Variants in SCAF11 observed in about 807,000 individuals in gnomAD.
SCAF11 encodes protein SCAF11.
SCAF11 carries 47 observed loss-of-function variants against 140.5 expected under a neutral mutation model. The observed-to-expected ratio is 0.33, with a 90% CI of 0.26 to 0.43. SCAF11 has a LOEUF of 0.43. Ranked by LOEUF, SCAF11 falls within the 20% of genes least tolerant of loss-of-function variation. The pLI is 1.00. For missense variants in SCAF11, 1,645 were observed against 1,705.1 expected (o/e 0.96, Z 0.62); for synonymous variants, 557 against 579.4 (o/e 0.96, Z 0.55).
chr12:45,984,464 T>C (rs1386236979), intron 1 of SCAF11, among the ~76,000 whole-genome samples: 1 of 152,214 alleles, frequency 6.6e-6, no homozygotes, highest in African/African-American at 2.4e-5. Flanking sequence ...ACTGATGATG[T>C]GCACTTTGAT....
chr12:45,972,158 G>A (rs564544553), intron 1 of SCAF11, among the ~76,000 whole-genome samples: 55 of 152,188 alleles, frequency 3.6e-4, no homozygotes, highest in South Asian at 6.2e-4. Flanking sequence ...ACTGGGTAGC[G>A]CATATTGAAA....
intron 3 of SCAF11, among the ~76,000 whole-genome samples, chr12:45,953,440 A>C (rs1394794827): frequency 1.3e-5 from 2 of 152,150 alleles, no homozygotes; most frequent in Non-Finnish European, 2.9e-5. Context: ...ACACTTTGAG[A>C]GGCCAAGGCA....
chr12:45,965,506 G>A (rs1007980059), intron 1 of SCAF11, among the ~76,000 whole-genome samples: 1 of 152,014 alleles, frequency 6.6e-6, no homozygotes, highest in Non-Finnish European at 1.5e-5. Flanking sequence ...AAGAGATGGG[G>A]TCTTGCTGTG....
In SCAF11 at chr12:45,927,724, A is replaced by T; in HGVS notation, c.1977T>A (p.Asn659Lys). 1 of 1,612,092 alleles carries T rather than the reference A, an allele frequency of 6.2e-7. No individual in the cohort carries two copies. Residue 659 changes from asparagine to lysine, a missense_variant, in exon 11 of 15, where the codon AAT (asparagine) becomes AAA (lysine). Asn to Lys is a moderately conservative substitution (Grantham distance 94). Transcript: ENST00000369367. ...CDTFGNEDFN[N>K]IQDSENNLLK... The stretch of plus-strand genomic sequence containing the variant: ...GTAAGTTATTTTCAGAGTCTTGAAT[A>T]TTATTGAAATCTTCATTCCCAAAAG...
upstream of SCAF11, among the ~76,000 whole-genome samples, chr12:45,991,401 C>CA (rs2136686682): frequency 6.6e-6 from 1 of 152,038 alleles, no homozygotes; most frequent in East Asian, 1.9e-4. Flanking sequence ...CTCGTTTCTA[C>CA]AAAAAATAAA....
chr12:45,945,061 G>GA, intron 6 of SCAF11, 188 bp downstream of exon 6: 4 of 554,120 alleles, frequency 7.2e-6, no homozygotes, highest in South Asian at 2.4e-5. Flanking sequence ...GAGCAAGAAG[G>GA]AAAAAAGGGG....
intron 6 of SCAF11, among the ~76,000 whole-genome samples, chr12:45,938,810 G>A (rs928408215): frequency 6.7e-6 from 1 of 148,830 alleles, no homozygotes; most frequent in African/African-American, 2.5e-5. Context: ...GTTTAATAAA[G>A]ACATAATTAG....
chr12:45,928,319 G>A lies in SCAF11; in HGVS notation c.1382C>T (p.Thr461Ile), dbSNP rs1944949284. The A allele has an allele frequency of 6.2e-7, 1 of 1,613,834 alleles. No individual in the cohort carries two copies. The highest frequency in any genetic ancestry group is 1.7e-5 in the Admixed American group (1 of 59,982). ...NEQIEESEKH[T>I]ANYDTEERVG... ...TCTTTCCTCTGTATCATAATTTGCA[G>A]TATGCTTCTCACTTTCTTCTATTTG... Residue 461 changes from threonine to isoleucine, a missense_variant, in exon 11 of 15, where the codon ACT becomes ATT. Physicochemically the swap from Thr to Ile is moderately conservative, Grantham distance 89. This residue lies in a region of SCAF11 where 1,582 missense variants were observed against 1,609.2 expected (regional missense o/e 0.98). Transcript: ENST00000369367.
In SCAF11 at chr12:45,927,840, T is replaced by C; in HGVS notation, c.1861A>G (p.Thr621Ala). 1 of 1,614,034 alleles carries C rather than the reference T, an allele frequency of 6.2e-7. No individual in the cohort carries two copies. The highest frequency in any genetic ancestry group is 8.5e-7 in the Non-Finnish European group (1 of 1,180,000). Residue 621 changes from threonine to alanine, a missense_variant, in exon 11 of 15, where the codon ACA becomes GCA. Coordinates refer to ENST00000369367, the MANE Select transcript of SCAF11 (RefSeq NM_004719.3). Reference sequence around the variant, plus strand: ...CTCTTAACAGATTGTCTGTCCACTGTCTGTATAATTTCACCCTCAGAAGAT... The same window carrying C: ...CTCTTAACAGATTGTCTGTCCACTGCCTGTATAATTTCACCCTCAGAAGAT... The part of the protein sequence containing the change: ...LESSEGEIIQ[T>A]VDRQSVKSPE...
At chr12:45,971,172 G>C (rs775181949) in intron 1 of SCAF11, among the ~76,000 whole-genome samples, 9 of 152,222 alleles carry the variant, frequency 5.9e-5, no homozygotes, top group Middle Eastern at 3.4e-3. Flanking sequence ...ATTTAATGTA[G>C]CATCATCTCC....
At chr12:45,938,026 CTT>C (rs753708396) in intron 6 of SCAF11, among the ~76,000 whole-genome samples, 11 of 152,178 alleles carry the variant, frequency 7.2e-5, no homozygotes, top group African/African-American at 1.2e-4. Context: ...TGTGTACTGT[CTT>C]GAGATTCTTA....
chr12:45,982,796 T>C (rs1013486658), intron 1 of SCAF11, among the ~76,000 whole-genome samples: 3 of 152,356 alleles, frequency 2.0e-5, no homozygotes, highest in South Asian at 4.1e-4. Flanking sequence ...CTGTCTTTCA[T>C]GTTTGTACTT....
intron 3 of SCAF11, 146 bp downstream of exon 3, chr12:45,961,554 G>A (rs1292859600): frequency 9.1e-6 from 6 of 662,696 alleles, no homozygotes; most frequent in Non-Finnish European, 1.5e-5. Context: ...GAAAATGACT[G>A]ACAGAATTTG....
Position 45,933,252 on chromosome 12 carries a change from CCTT to C in SCAF11, c.633-23_633-21del, listed in dbSNP as rs1565665325. 1 of 1,533,250 alleles carries C rather than the reference CCTT, an allele frequency of 6.5e-7. No homozygotes were observed. The highest frequency in any genetic ancestry group is 1.2e-5 in the South Asian group (1 of 86,348). 95.0% of individuals were successfully genotyped at this position (1,533,250 alleles called of 1,614,324 possible). A position where few individuals can be genotyped will look rare whatever the true frequency, so the allele number is the denominator to read the frequency against. ...TCTGTACTAAAAGATAAATTTTAGA[CCTT>C]CATCAGAATCTCACAATTTTAGGTT... On this transcript the variant is annotated intron_variant, in intron 8 of 14. Coordinates refer to ENST00000369367, the MANE Select transcript of SCAF11 (RefSeq NM_004719.3).
chr12:45,961,989 T>C, intron 2 of SCAF11, 132 bp from the exon 3 acceptor site: 2 of 545,166 alleles, frequency 3.7e-6, no homozygotes, highest in Admixed American at 3.9e-5. Flanking sequence ...AGATAAATTA[T>C]AGCAAACATA....
intron 6 of SCAF11, among the ~76,000 whole-genome samples, chr12:45,935,374 A>C (rs1256087038): frequency 6.6e-6 from 1 of 152,310 alleles, no homozygotes; most frequent in Middle Eastern, 3.4e-3. Flanking sequence ...ATGTAATTTC[A>C]ATGTTAGTGG....
chr12:45,984,691 C>T (rs1486449146), intron 1 of SCAF11, among the ~76,000 whole-genome samples: 2 of 146,750 alleles, frequency 1.4e-5, no homozygotes, highest in Non-Finnish European at 1.5e-5. Context: ...GCTCTTCGCA[C>T]TTCCTTTTTT....
At chr12:45,950,214 T>C (rs1459779207) in intron 4 of SCAF11, among the ~76,000 whole-genome samples, 1 of 152,100 alleles carries the variant, frequency 6.6e-6, no homozygotes, top group African/African-American at 2.4e-5. Context: ...GTAAATGTTC[T>C]ATGGGAACTG....
At chr12:45,971,158 CTTCAT>C (rs1486731723) in intron 1 of SCAF11, among the ~76,000 whole-genome samples, 2 of 152,172 alleles carry the variant, frequency 1.3e-5, no homozygotes, top group Non-Finnish European at 2.9e-5. Context: ...CTGCTTCCTT[CTTCAT>C]TTAATGTAGC....
Sources: allele counts gnomAD v4.1 joint callset (sites outside exome capture counted in the v4.1 genomes callset), GRCh38; gene constraint gnomAD v4.1.1; regional missense constraint gnomAD v4.1.1; transcripts MANE v1.5; gene names NCBI Gene and HGNC (gene_info 2026-07-23, HGNC 2026-07-21).